DNER: variants seen among roughly 807,000 people sequenced by gnomAD.
The protein encoded by DNER is delta and Notch-like epidermal growth factor-related receptor.
DNER carries 33 observed loss-of-function variants against 78.2 expected under a neutral mutation model. The observed-to-expected ratio is 0.42, with a 90% CI of 0.32 to 0.56. DNER has a LOEUF of 0.56. DNER is among the 20% of genes least tolerant of loss of function. The pLI, the probability that DNER is intolerant of heterozygous loss-of-function variation, is 0.11. For missense variants in DNER, 918 were observed against 975.3 expected (o/e 0.94, Z 0.78); for synonymous variants, 417 against 384.8 (o/e 1.08, Z -0.98).
intron 6 of DNER, among the ~76,000 whole-genome samples, chr2:229,511,159 G>A (rs931989892): frequency 6.6e-6 from 1 of 152,070 alleles, no homozygotes; most frequent in Non-Finnish European, 1.5e-5. Flanking sequence ...TAACCCCCAT[G>A]CCCACTTCAT....
At chr2:229,676,755 A>G (rs1699307199) in intron 1 of DNER, among the ~76,000 whole-genome samples, 1 of 152,006 alleles carries the variant, frequency 6.6e-6, no homozygotes, top group African/African-American at 2.4e-5. Flanking sequence ...ATTTTATTTT[A>G]TTTTGCAGAA....
intron 1 of DNER, among the ~76,000 whole-genome samples, chr2:229,711,286 A>G (rs1012462641): frequency 6.6e-5 from 10 of 152,174 alleles, no homozygotes; most frequent in Non-Finnish European, 4.4e-5. Context: ...GTGAGGCTTT[A>G]AAGCTGTCAG....
rs576676463 is a variant in DNER at position 229,531,746 on chromosome 2, G to A, written c.993+15201C>T. ...GCAGCATTAACCACAATAGCCAAAG[G>A]TAGAAACAACCCAAATGTCTATCGG... is the stretch of plus-strand genomic sequence containing the variant. On this transcript the variant is annotated intron_variant, in intron 5 of 12. Coordinates refer to ENST00000341772, the MANE Select transcript of DNER (RefSeq NM_139072.4). 2.0e-5 allele frequency among the ~76,000 whole-genome samples: 3 copies of A among 152,288 alleles called. No individual in the cohort carries two copies. The East Asian group carries it at 5.8e-4, about 29-fold the overall frequency.
intron 4 of DNER, among the ~76,000 whole-genome samples, chr2:229,563,375 ATCCTC>A: frequency 7.4e-6 from 1 of 135,454 alleles, no homozygotes; most frequent in South Asian, 2.4e-4. Context: ...CATCATCATC[ATCCTC>A]ACCCCATCAC....
chr2:229,467,731 C>A (rs1482596512), intron 7 of DNER, among the ~76,000 whole-genome samples: 2 of 152,150 alleles, frequency 1.3e-5, no homozygotes, highest in African/African-American at 4.8e-5. Flanking sequence ...ATCTTTGTTG[C>A]ATTCAAGAAC....
At chr2:229,698,751 C>T (rs373339666) in intron 1 of DNER, among the ~76,000 whole-genome samples, 24 of 152,244 alleles carry the variant, frequency 1.6e-4, no homozygotes, top group African/African-American at 4.6e-4. Context: ...ATGGAATTTA[C>T]TTCTCTCCAG....
At chr2:229,711,984 T>C (rs889008156) in intron 1 of DNER, among the ~76,000 whole-genome samples, 1 of 152,198 alleles carries the variant, frequency 6.6e-6, no homozygotes, top group Non-Finnish European at 1.5e-5. Context: ...CAGGAATCCA[T>C]TTTTATGGAT....
chr2:229,454,384 A>C (rs544596021), intron 7 of DNER, among the ~76,000 whole-genome samples: 1 of 152,324 alleles, frequency 6.6e-6, no homozygotes, highest in South Asian at 2.1e-4. Flanking sequence ...ACTACAGGAA[A>C]ATTTCACTAA....
intron 9 of DNER, among the ~76,000 whole-genome samples, chr2:229,414,785 A>T (rs939556817): frequency 7.9e-5 from 12 of 152,118 alleles, no homozygotes; most frequent in African/African-American, 2.9e-4. Flanking sequence ...GGCAGTTAAG[A>T]CATTTTGAAG....
At chr2:229,631,567 T>C (rs1345749496) in intron 1 of DNER, among the ~76,000 whole-genome samples, 2 of 152,222 alleles carry the variant, frequency 1.3e-5, no homozygotes, top group African/African-American at 4.8e-5. Flanking sequence ...TCCTGCATAC[T>C]GAGCATTATT....
chr2:229,463,977 C>G (rs746346536), intron 7 of DNER, among the ~76,000 whole-genome samples: 1 of 152,128 alleles, frequency 6.6e-6, no homozygotes, highest in Admixed American at 6.6e-5. Flanking sequence ...AATCAGTGTG[C>G]GTGGCACCAG....
In DNER at chr2:229,406,176, G is replaced by A. The variant is rs578234896; in HGVS notation, c.1723+1056C>T. ...GGACCAAGGCTCTGTGAAATTCTCC[G>A]GGGCTTGGGAGGTGGCCACAGTGGC... On this transcript the variant is annotated intron_variant, in intron 10 of 12. Coordinates refer to ENST00000341772, the MANE Select transcript of DNER (RefSeq NM_139072.4). Among the ~76,000 whole-genome samples the A allele has an allele frequency of 1.8e-4, 27 of 152,300 alleles. No homozygotes were observed. The South Asian group carries it at 4.1e-3, about 23-fold the overall frequency.
At chr2:229,489,825 A>G (rs1695359320) in intron 6 of DNER, among the ~76,000 whole-genome samples, 1 of 152,174 alleles carries the variant, frequency 6.6e-6, no homozygotes. Flanking sequence ...CAGGATAAGG[A>G]TGAGGAAGGA....
chr2:229,542,818 T>C (rs930757499), intron 5 of DNER, among the ~76,000 whole-genome samples: 1 of 150,016 alleles, frequency 6.7e-6, no homozygotes, highest in Non-Finnish European at 1.5e-5. Context: ...CCTCTGTTCC[T>C]GCCTTAGGGA....
intron 10 of DNER, among the ~76,000 whole-genome samples, chr2:229,397,886 A>T (rs2216337): frequency 0.39 from 59,820 of 151,992 alleles, 12,728 homozygotes; most frequent in Middle Eastern, 0.5. Context: ...CTGAGGGGGA[A>T]ATTTATAGCA....
At position 229,388,394 on chromosome 2, in the gene DNER, C is replaced by T. The variant is rs2106336065; in HGVS notation, c.1726G>A (p.Glu576Lys). The T allele has an allele frequency of 6.2e-7, 1 of 1,605,794 alleles. No individual in the cohort carries two copies. Among genetic ancestry groups the T allele is most frequent in the Non-Finnish European group, 8.5e-7 (1 of 1,176,154 alleles). ...TCATTTATGTCAATGTCGCACTCTTCACCTAGGGAGATAAGAAAAAGCAGT... is the reference window on the plus strand; with the variant it reads ...TCATTTATGTCAATGTCGCACTCTTTACCTAGGGAGATAAGAAAAAGCAGT... ...TCICAPGFTG[E>K]ECDIDINECD... The change falls in exon 11 of 13, where the codon GAA becomes AAA. Residue 576 changes from glutamate to lysine, a missense_variant and splice_region_variant. Physicochemically the swap from Glu to Lys is moderately conservative, Grantham distance 56. Transcript: ENST00000341772.
intron 11 of DNER, among the ~76,000 whole-genome samples, chr2:229,387,565 AAG>A (rs758169206): frequency 1.0e-3 from 152 of 150,182 alleles, no homozygotes; most frequent in Admixed American, 1.7e-3. Context: ...GAAAGAAAGA[AAG>A]AAAAGAAAGA....
chr2:229,538,261 T>C (rs1325312229), intron 5 of DNER, among the ~76,000 whole-genome samples: 1 of 152,246 alleles, frequency 6.6e-6, no homozygotes, highest in East Asian at 1.9e-4. Flanking sequence ...ATCTTCACGT[T>C]AGCATTAAGT....
intron 1 of DNER, among the ~76,000 whole-genome samples, chr2:229,649,813 G>A (rs773571734): frequency 4.4e-4 from 67 of 152,086 alleles, no homozygotes; most frequent in Non-Finnish European, 9.3e-4. Flanking sequence ...GGTGGCTCAC[G>A]CCTGTAATCC....
Sources: allele counts gnomAD v4.1 joint callset (sites outside exome capture counted in the v4.1 genomes callset), GRCh38; gene constraint gnomAD v4.1.1; transcripts MANE v1.5; gene names NCBI Gene and HGNC (gene_info 2026-07-23, HGNC 2026-07-21).